PCDH7: variants seen among roughly 807,000 people sequenced by gnomAD.
PCDH7 encodes protocadherin-7.
Under a neutral mutation model 58.9 loss-of-function variants are expected in PCDH7, and 17 were observed. The ratio of observed to expected loss-of-function variants is 0.29; its 90% CI spans 0.20 to 0.43. The LOEUF is 0.43. PCDH7 is among the 20% of genes least tolerant of loss of function. The pLI, the probability that PCDH7 is intolerant of heterozygous loss-of-function variation, is 1.00. For missense variants in PCDH7, 1,274 were observed against 1,441.0 expected (o/e 0.88, Z 1.88); for synonymous variants, 664 against 616.4 (o/e 1.08, Z -1.14).
At chr4:30,743,485 G>GA (rs977381847) in intron 1 of PCDH7, among the ~76,000 whole-genome samples, 72 of 140,736 alleles carry the variant, frequency 5.1e-4, no homozygotes, top group Admixed American at 7.9e-4. Flanking sequence ...CTGAATAATT[G>GA]AAAAAAAAAC....
chr4:30,803,879 A>G (rs1283584626), intron 1 of PCDH7, among the ~76,000 whole-genome samples: 1 of 152,228 alleles, frequency 6.6e-6, no homozygotes, highest in Non-Finnish European at 1.5e-5. Flanking sequence ...GGGGAAATCC[A>G]AGAGAATGTC....
chr4:31,093,755 C>T (rs549921698), intron 3 of PCDH7, among the ~76,000 whole-genome samples: 12 of 152,176 alleles, frequency 7.9e-5, no homozygotes, highest in African/African-American at 2.4e-4. Context: ...AGAAGTTATA[C>T]GTTGAAAGGC....
intron 3 of PCDH7, among the ~76,000 whole-genome samples, chr4:31,082,150 G>C (rs1711569106): frequency 1.3e-5 from 2 of 152,122 alleles, no homozygotes; most frequent in African/African-American, 4.8e-5. Context: ...CCAAATATTA[G>C]GTAAAATGTA....
At chr4:30,827,104 A>G (rs1393699496) in intron 1 of PCDH7, among the ~76,000 whole-genome samples, 2 of 152,168 alleles carry the variant, frequency 1.3e-5, no homozygotes, top group African/African-American at 4.8e-5. Flanking sequence ...TTTAACCCAT[A>G]TAAAGTTACA....
At chr4:30,940,327 A>C (rs1745877136) in intron 2 of PCDH7, among the ~76,000 whole-genome samples, 1 of 152,050 alleles carries the variant, frequency 6.6e-6, no homozygotes, top group Admixed American at 6.6e-5. Context: ...GTATTTGGTC[A>C]GTGAAATTTA....
chr4:30,936,223 G>A (rs942395183), intron 2 of PCDH7, among the ~76,000 whole-genome samples: 2 of 151,968 alleles, frequency 1.3e-5, no homozygotes, highest in African/African-American at 2.4e-5. Flanking sequence ...TTGCTTTACA[G>A]TATCACTCAA....
At chr4:31,096,928 T>TGTG (rs5857221) in intron 3 of PCDH7, among the ~76,000 whole-genome samples, 29,946 of 151,504 alleles carry the variant, frequency 0.2, 4,484 homozygotes, top group African/African-American at 0.42. Context: ...TGTGTGTGTG[T>TGTG]TGTGAATAAG....
At chr4:30,853,574 T>G (rs1325610205) in intron 1 of PCDH7, among the ~76,000 whole-genome samples, 1 of 152,106 alleles carries the variant, frequency 6.6e-6, no homozygotes, top group Non-Finnish European at 1.5e-5. Context: ...ATATTTATTT[T>G]TATTTTTAAT....
chr4:31,132,084 ATACT>A (rs1371487335), intron 3 of PCDH7, among the ~76,000 whole-genome samples: 5 of 152,156 alleles, frequency 3.3e-5, no homozygotes, highest in African/African-American at 9.7e-5. Context: ...TACTGTAGTG[ATACT>A]TTCTTTCTTA....
intron 3 of PCDH7, among the ~76,000 whole-genome samples, chr4:30,986,332 G>A (rs1471356284): frequency 2.0e-5 from 3 of 151,922 alleles, no homozygotes; most frequent in Non-Finnish European, 1.5e-5. Context: ...AAAAAAATTA[G>A]TCTATTTTCT....
chr4:31,078,314 C>T (rs763644208), intron 3 of PCDH7, among the ~76,000 whole-genome samples: 1 of 151,968 alleles, frequency 6.6e-6, no homozygotes, highest in African/African-American at 2.4e-5. Context: ...GACAGGGTGT[C>T]GCTCTGCAGC....
chr4:31,068,299 G>A (rs1487366031), intron 3 of PCDH7, among the ~76,000 whole-genome samples: 3 of 131,242 alleles, frequency 2.3e-5, no homozygotes, highest in African/African-American at 8.6e-5. Context: ...ACCTAAAACT[G>A]CTCTAAAAAA....
intron 1 of PCDH7, among the ~76,000 whole-genome samples, chr4:30,775,739 A>C (rs780671134): frequency 4.6e-5 from 7 of 152,104 alleles, no homozygotes; most frequent in Non-Finnish European, 1.0e-4. Context: ...TCTACTAAAA[A>C]TATAAAAATT....
At chr4:30,807,899 G>A (rs1436265659) in intron 1 of PCDH7, among the ~76,000 whole-genome samples, 1 of 152,178 alleles carries the variant, frequency 6.6e-6, no homozygotes, top group Admixed American at 6.5e-5. Context: ...TGGAGACTCT[G>A]ATACATGAGA....
chr4:31,032,701 A>C, intron 3 of PCDH7, among the ~76,000 whole-genome samples: 1 of 87,482 alleles, frequency 1.1e-5, no homozygotes, highest in Non-Finnish European at 2.2e-5. Context: ...GGAGGGAGGG[A>C]GGGAGAGAGG....
At chr4:31,017,339 G>A (rs918969176) in intron 3 of PCDH7, among the ~76,000 whole-genome samples, 3 of 152,040 alleles carry the variant, frequency 2.0e-5, no homozygotes, top group Non-Finnish European at 4.4e-5. Flanking sequence ...TTGATGCACA[G>A]CATTGTGATA....
intron 1 of PCDH7, among the ~76,000 whole-genome samples, chr4:30,830,144 T>C (rs9884648): frequency 0.038 from 5,760 of 152,186 alleles, 353 homozygotes; most frequent in African/African-American, 0.13. Context: ...TCAACTATGA[T>C]ACCTAAATGC....
intron 3 of PCDH7, among the ~76,000 whole-genome samples, chr4:30,977,278 C>A (rs1189661634): frequency 6.6e-6 from 1 of 152,182 alleles, no homozygotes; most frequent in Non-Finnish European, 1.5e-5. Flanking sequence ...TTACAATTAT[C>A]ATTTTAATAA....
intron 1 of PCDH7, among the ~76,000 whole-genome samples, chr4:30,840,860 G>T (rs1019574011): frequency 6.6e-6 from 1 of 150,944 alleles, no homozygotes; most frequent in African/African-American, 2.4e-5. Flanking sequence ...GTAAAAGGAC[G>T]TACAGTTGCT....
Sources: gnomAD v4.1 joint callset for allele counts (sites outside exome capture counted in the v4.1 genomes callset) on GRCh38, gnomAD v4.1.1 for gene constraint, MANE v1.5 for transcripts, NCBI Gene and HGNC (gene_info 2026-07-23, HGNC 2026-07-21) for gene names.